Variants in GRID2 observed in about 807,000 individuals in gnomAD.
The protein encoded by GRID2 is glutamate receptor ionotropic, delta-2.
A neutral mutation model predicts 114.8 loss-of-function variants in GRID2; 33 were observed. The ratio of observed to expected loss-of-function variants is 0.29; its 90% CI spans 0.22 to 0.38. The LOEUF (loss-of-function observed/expected upper bound fraction) is 0.38. Among genes scored for constraint, GRID2 ranks in the 10% least tolerant of loss-of-function variants. The pLI is 1.00. For missense variants in GRID2, 1,184 were observed against 1,257.7 expected, an observed-to-expected ratio of 0.94 and a Z score of 0.89; for synonymous variants, 505 against 449.9, an observed-to-expected ratio of 1.12 and a Z score of -1.55.
chr4:92,368,832 G>A (rs968262549), intron 1 of GRID2, among the ~76,000 whole-genome samples: 2 of 151,496 alleles, frequency 1.3e-5, no homozygotes, highest in African/African-American at 2.4e-5. Context: ...GTCAAGACAC[G>A]TATAATGTGA....
At chr4:92,709,587 A>ATATATATAT (rs1296707680) in intron 2 of GRID2, among the ~76,000 whole-genome samples, 17 of 119,888 alleles carry the variant, frequency 1.4e-4, no homozygotes, top group East Asian at 5.5e-4. Flanking sequence ...AAAAAAAAAA[A>ATATATATAT]AAATATATAT....
chr4:92,502,984 G>C (rs530583208), intron 1 of GRID2, among the ~76,000 whole-genome samples: 1 of 151,950 alleles, frequency 6.6e-6, no homozygotes, highest in South Asian at 2.1e-4. Context: ...CCAAAGTGCT[G>C]GGATTACAGA....
At chr4:93,209,060 T>G (rs1743143966) in intron 5 of GRID2, among the ~76,000 whole-genome samples, 2 of 152,012 alleles carry the variant, frequency 1.3e-5, no homozygotes, top group Admixed American at 1.3e-4. Context: ...CTTAATCTTT[T>G]TCAGTGTAAA....
chr4:92,468,553 G>A (rs1316487259), intron 1 of GRID2, among the ~76,000 whole-genome samples: 1 of 151,882 alleles, frequency 6.6e-6, no homozygotes, highest in African/African-American at 2.4e-5. Context: ...TTTAAACAAA[G>A]TTTAAGTAAG....
chr4:93,554,831 G>A (rs1232042586), intron 13 of GRID2, among the ~76,000 whole-genome samples: 2 of 152,184 alleles, frequency 1.3e-5, no homozygotes, highest in Non-Finnish European at 2.9e-5. Context: ...TGGCTGAATA[G>A]GAACAGCTCT....
rs1171406324 is a variant in GRID2, at chr4:93,127,236, A to AT, written c.735+16291dup. ...TTTTAACATGTTCATCATGAAATGC[A>AT]TTTTTTTTGGAGTTACTTGGTTTCC... On this transcript the variant is annotated intron_variant, in intron 4 of 15. Transcript: ENST00000282020. Among the ~76,000 whole-genome samples, 14 of 152,014 alleles carry AT rather than the reference A, an allele frequency of 9.2e-5. No homozygotes were observed. The South Asian group carries it at 1.9e-3, about 20-fold the overall frequency.
At chr4:92,837,354 C>A (rs1218539610) in intron 2 of GRID2, among the ~76,000 whole-genome samples, 1 of 151,592 alleles carries the variant, frequency 6.6e-6, no homozygotes, top group Non-Finnish European at 1.5e-5. Flanking sequence ...CTATGTTTAC[C>A]CAAGAACAAG....
intron 4 of GRID2, among the ~76,000 whole-genome samples, chr4:93,144,085 C>T (rs1450172583): frequency 1.3e-5 from 2 of 152,038 alleles, no homozygotes; most frequent in East Asian, 3.9e-4. Context: ...ATTTCTGGGC[C>T]GCACCCCAGT....
intron 12 of GRID2, among the ~76,000 whole-genome samples, chr4:93,501,599 C>A (rs561791642): frequency 4.0e-5 from 4 of 101,004 alleles, no homozygotes; most frequent in African/African-American, 1.2e-4. Flanking sequence ...AGAATTTTGT[C>A]TCTGTTTTGG....
intron 13 of GRID2, among the ~76,000 whole-genome samples, chr4:93,554,971 G>T (rs1022357411): frequency 3.3e-5 from 5 of 152,146 alleles, no homozygotes; most frequent in African/African-American, 1.2e-4. Context: ...GCTGAAGCAG[G>T]GTTGGGCATC....
chr4:92,753,832 A>T (rs1038066490), intron 2 of GRID2, among the ~76,000 whole-genome samples: 3 of 152,184 alleles, frequency 2.0e-5, no homozygotes, highest in African/African-American at 7.2e-5. Context: ...CAAAATATGT[A>T]AGATTAAGTA....
rs576800719 is a variant in GRID2, at chr4:92,696,106, T to C, written c.244+105820T>C. On this transcript the variant is annotated intron_variant, in intron 2 of 15. Transcript: ENST00000282020. ...AGGAAAAAGTACATAAAATTTAACA[T>C]AGATTTTAAAGTGGATTTCTTTCCG... is the stretch of plus-strand genomic sequence containing the variant. 1.5e-4 allele frequency among the ~76,000 whole-genome samples: 23 copies of C among 152,272 alleles called. No individual in the cohort carries two copies. The South Asian group carries it at 4.4e-3, about 29-fold the overall frequency.
At chr4:92,963,693 G>A (rs756962510) in intron 2 of GRID2, among the ~76,000 whole-genome samples, 1 of 151,866 alleles carries the variant, frequency 6.6e-6, no homozygotes, top group Non-Finnish European at 1.5e-5. Flanking sequence ...TGATTATGTT[G>A]ATCACCTCCC....
At chr4:92,650,134 G>T (rs949125923) in intron 2 of GRID2, among the ~76,000 whole-genome samples, 1 of 151,940 alleles carries the variant, frequency 6.6e-6, no homozygotes, top group Non-Finnish European at 1.5e-5. Context: ...CAATAGATTT[G>T]CTTAATATAT....
At chr4:92,952,884 G>A (rs1362951090) in intron 2 of GRID2, among the ~76,000 whole-genome samples, 3 of 152,144 alleles carry the variant, frequency 2.0e-5, no homozygotes, top group Admixed American at 6.6e-5. Context: ...CTCTTAGAGC[G>A]AGAAGTGAAA....
At chr4:92,768,634 C>A (rs1738383621) in intron 2 of GRID2, among the ~76,000 whole-genome samples, 1 of 152,142 alleles carries the variant, frequency 6.6e-6, no homozygotes. Context: ...CTTACAGTTC[C>A]ACATGGCTGG....
At chr4:93,031,530 A>T (rs967308005) in intron 2 of GRID2, among the ~76,000 whole-genome samples, 1 of 151,996 alleles carries the variant, frequency 6.6e-6, no homozygotes, top group African/African-American at 2.4e-5. Flanking sequence ...CATAATTCCT[A>T]TGTGTCGTGG....
chr4:92,605,292 T>G (rs189262163), intron 2 of GRID2, among the ~76,000 whole-genome samples: 1 of 152,158 alleles, frequency 6.6e-6, no homozygotes, highest in African/African-American at 2.4e-5. Context: ...ATTTCCAAGG[T>G]CAATTTATTC....
intron 8 of GRID2, among the ~76,000 whole-genome samples, chr4:93,277,953 A>G (rs964742276): frequency 2.6e-5 from 4 of 152,016 alleles, no homozygotes; most frequent in Non-Finnish European, 5.9e-5. Context: ...TAAGACACAA[A>G]AAGATTTATA....
Sources: gnomAD v4.1 joint callset for allele counts (sites outside exome capture counted in the v4.1 genomes callset) on GRCh38, gnomAD v4.1.1 for gene constraint, MANE v1.5 for transcripts, NCBI Gene and HGNC (gene_info 2026-07-23, HGNC 2026-07-21) for gene names.